Variants in TMEM132D observed in about 807,000 individuals in gnomAD.
The protein encoded by TMEM132D is transmembrane protein 132D.
TMEM132D carries 21 observed loss-of-function variants against 62.3 expected under a neutral mutation model. The observed-to-expected ratio is 0.34, with a 90% CI of 0.24 to 0.49. The LOEUF is 0.49. Among genes scored for constraint, TMEM132D ranks in the 20% least tolerant of loss-of-function variants. The probability of loss-of-function intolerance (pLI) is 0.99; values close to 1 mark genes in which losing one functional copy is unlikely to be tolerated. For synonymous variants in TMEM132D, 621 were observed against 575.6 expected (o/e 1.08, Z -1.13); for missense variants, 1,346 against 1,402.8 (o/e 0.96, Z 0.65).
At chr12:129,742,179 T>C (rs1869631201) in intron 1 of TMEM132D, among the ~76,000 whole-genome samples, 2 of 152,236 alleles carry the variant, frequency 1.3e-5, no homozygotes, top group South Asian at 4.1e-4. Flanking sequence ...GCCATCTGTG[T>C]TAGTCCATTT....
In TMEM132D at chr12:129,553,675, C is replaced by A. The variant is rs75494566; in HGVS notation, c.969-22470G>T. Among the ~76,000 whole-genome samples the A allele has an allele frequency of 4.8e-3, 731 of 152,298 alleles. 15 individuals are homozygous for A. In the South Asian group the frequency reaches 0.056, roughly 12 times the overall value. ...ATTGGGAAGAGATGCACAAATTGGG[C>A]TCCCCCAAGCTCCAGCACACCACAA... On this transcript the variant is annotated intron_variant, in intron 2 of 8. Coordinates refer to ENST00000422113, the MANE Select transcript of TMEM132D (RefSeq NM_133448.3).
intron 2 of TMEM132D, among the ~76,000 whole-genome samples, chr12:129,654,247 C>T (rs193209765): frequency 1.1e-3 from 162 of 149,222 alleles, no homozygotes; most frequent in Middle Eastern, 3.4e-3. Context: ...CAGTCTCAGT[C>T]TCTCTCTTTC....
intron 2 of TMEM132D, among the ~76,000 whole-genome samples, chr12:129,555,476 A>C (rs1382958566): frequency 2.0e-5 from 3 of 152,258 alleles, no homozygotes; most frequent in East Asian, 3.8e-4. Flanking sequence ...ACATGTTAAA[A>C]TAGCTAGGGA....
chr12:129,094,956 C>T (rs1875051821), intron 5 of TMEM132D, among the ~76,000 whole-genome samples: 1 of 147,934 alleles, frequency 6.8e-6, no homozygotes, highest in African/African-American at 2.5e-5. Context: ...ACCGCATGTT[C>T]TCACTCATAG....
intron 3 of TMEM132D, among the ~76,000 whole-genome samples, chr12:129,396,722 T>C (rs987879610): frequency 3.9e-5 from 6 of 152,176 alleles, no homozygotes; most frequent in African/African-American, 1.4e-4. Context: ...AATGATTCTT[T>C]CTTAAAGCAC....
intron 3 of TMEM132D, among the ~76,000 whole-genome samples, chr12:129,378,412 T>C (rs1280259282): frequency 6.6e-6 from 1 of 152,210 alleles, no homozygotes; most frequent in Non-Finnish European, 1.5e-5. Context: ...AAAGCTGTGG[T>C]CAGGCTGTGT....
chr12:129,576,619 C>CACACAT (rs913186167), intron 2 of TMEM132D, among the ~76,000 whole-genome samples: 1 of 150,880 alleles, frequency 6.6e-6, no homozygotes, highest in Non-Finnish European at 1.5e-5. Context: ...CACACACACA[C>CACACAT]ATATATATGC....
chr12:129,773,110 A>G (rs1017262460), intron 1 of TMEM132D, among the ~76,000 whole-genome samples: 1 of 152,268 alleles, frequency 6.6e-6, no homozygotes, highest in Non-Finnish European at 1.5e-5. Flanking sequence ...GCAAGGATCT[A>G]GGATACAAAT....
chr12:129,315,059 T>A (rs1188878848), intron 4 of TMEM132D, among the ~76,000 whole-genome samples: 1 of 152,006 alleles, frequency 6.6e-6, no homozygotes, highest in African/African-American at 2.4e-5. Flanking sequence ...GTACTTAGGG[T>A]TTTTAAGGTA....
rs571940938 is a variant in TMEM132D at position 129,220,875 on chromosome 12, C to T, written c.1300-11212G>A. On this transcript the variant is annotated intron_variant, in intron 4 of 8. Coordinates refer to ENST00000422113, the MANE Select transcript of TMEM132D (RefSeq NM_133448.3). ...TTCCTCCTGTTATATCATATTCAGG[C>T]GTAATATTTAAAAATGAAAAAAAAA... 2.6e-3 allele frequency among the ~76,000 whole-genome samples: 376 copies of T among 145,520 alleles called. 3 individuals carry two copies. The South Asian group carries it at 0.037, about 14-fold the overall frequency.
rs138773624 is a variant in TMEM132D at position 129,330,382 on chromosome 12, T to G, written c.1299+7252A>C. ...ACAGGTTTAGGTGGGTGCTAAGGTT[T>G]GAATGTTCCCTCCCCAAATCATGTT... On this transcript the variant is annotated intron_variant, in intron 4 of 8. Transcript: ENST00000422113. Among the ~76,000 whole-genome samples the G allele has an allele frequency of 3.4e-3, 521 of 152,304 alleles. 3 individuals are homozygous for G. The highest frequency in any genetic ancestry group is 0.012 in the African/African-American group (497 of 41,564).
intron 4 of TMEM132D, among the ~76,000 whole-genome samples, chr12:129,332,661 G>A (rs996508356): frequency 3.9e-5 from 6 of 152,168 alleles, no homozygotes; most frequent in African/African-American, 1.2e-4. Context: ...AGAGGGAGAT[G>A]AGGGATTTCC....
Position 129,074,199 on chromosome 12 carries a change from G to A in TMEM132D, c.2976C>T (p.Asp992=), listed in dbSNP as rs2135602154. The A allele has an allele frequency of 1.2e-6, 2 of 1,614,016 alleles. No individual in the cohort carries two copies. The highest frequency in any genetic ancestry group is 1.6e-4 in the Middle Eastern group (1 of 6,062). The change falls in exon 9 of 9, where the codon GAC becomes GAT. Residue 992 remains aspartate, a synonymous_variant. Transcript: ENST00000422113. ...TACTTTCCTCGAAATCCATGCCCCT[G>A]TCAATGGCAGTGATTTGCTCATCTT... ...SSQDEQITAI[D]RGMDFEESKY...
chr12:129,162,553 GGA>G (rs1877429280), intron 5 of TMEM132D, among the ~76,000 whole-genome samples: 1 of 152,090 alleles, frequency 6.6e-6, no homozygotes, highest in Non-Finnish European at 1.5e-5. Flanking sequence ...CCCCAGTGTT[GGA>G]GTTGGGGCCT....
intron 4 of TMEM132D, among the ~76,000 whole-genome samples, chr12:129,265,635 T>C (rs1880667904): frequency 6.6e-6 from 1 of 151,982 alleles, no homozygotes; most frequent in African/African-American, 2.4e-5. Flanking sequence ...TCTCCCCTCA[T>C]GTCTTTCAAC....
In TMEM132D at chr12:129,113,994, G is replaced by A. The variant is rs577137406; in HGVS notation, c.1444-29292C>T. On this transcript the variant is annotated intron_variant, in intron 5 of 8. Coordinates refer to ENST00000422113, the MANE Select transcript of TMEM132D (RefSeq NM_133448.3). ...TCTGACCACCACCCAAGCAAGCTCT[G>A]GGAAGTGCCTGGAGACCATTCATTT... Among the ~76,000 whole-genome samples, 4 of 152,182 alleles carry A rather than the reference G, an allele frequency of 2.6e-5. No homozygotes were observed. The South Asian group carries it at 8.3e-4, about 32-fold the overall frequency.
At chr12:129,611,999 G>C (rs1024606447) in intron 2 of TMEM132D, among the ~76,000 whole-genome samples, 1 of 152,190 alleles carries the variant, frequency 6.6e-6, no homozygotes, top group African/African-American at 2.4e-5. Flanking sequence ...GCCGGTCGCA[G>C]TACCCTATGG....
intron 1 of TMEM132D, among the ~76,000 whole-genome samples, chr12:129,796,064 G>A (rs1871553195): frequency 6.6e-6 from 1 of 152,090 alleles, no homozygotes; most frequent in African/African-American, 2.4e-5. Context: ...GCCAGGTGCG[G>A]TGGCTCACAC....
intron 1 of TMEM132D, among the ~76,000 whole-genome samples, chr12:129,834,925 G>A (rs1432685352): frequency 2.0e-5 from 3 of 152,134 alleles, no homozygotes; most frequent in Non-Finnish European, 4.4e-5. Context: ...ATACTATGGA[G>A]AATTGAACAG....
Sources: gnomAD v4.1 joint callset for allele counts (sites outside exome capture counted in the v4.1 genomes callset) on GRCh38, gnomAD v4.1.1 for gene constraint, MANE v1.5 for transcripts, NCBI Gene and HGNC (gene_info 2026-07-23, HGNC 2026-07-21) for gene names.